Variants in PRORP observed in about 807,000 individuals in gnomAD.
The protein encoded by PRORP is protein only RNase P catalytic subunit, also known as mitochondrial ribonuclease P catalytic subunit.
PRORP carries 51 observed loss-of-function variants against 59.4 expected under a neutral mutation model. That is an observed-to-expected ratio of 0.86 (90% CI 0.69 to 1.08). PRORP has a LOEUF of 1.08. Among genes scored for constraint, PRORP ranks in the 50% least tolerant of loss-of-function variants. The pLI is 0.00. For synonymous variants in PRORP, 231 were observed against 245.6 expected (o/e 0.94, Z 0.55); for missense variants, 646 against 690.3 (o/e 0.94, Z 0.72).
At chr14:35,151,895 T>C (rs778488112) in intron 4 of PRORP, among the ~76,000 whole-genome samples, 8 of 151,806 alleles carry the variant, frequency 5.3e-5, no homozygotes, top group Non-Finnish European at 1.2e-4. Context: ...GTATCAGTTA[T>C]CTCTAATTTT....
At chr14:35,127,355 C>T (rs948478050) in intron 3 of PRORP, 124 bp from the exon 4 acceptor site, 3 of 679,800 alleles carry the variant, frequency 4.4e-6, no homozygotes, top group East Asian at 6.5e-5. Flanking sequence ...ATGTGATTAT[C>T]ACAAAGGTTT....
chr14:35,260,798 G>T (rs1216119261), intron 5 of PRORP, among the ~76,000 whole-genome samples: 1 of 152,222 alleles, frequency 6.6e-6, no homozygotes, highest in South Asian at 2.1e-4. Context: ...TAACAGTCAA[G>T]TGCTGTCTTT....
chr14:35,256,622 G>A (rs549165301), intron 5 of PRORP, among the ~76,000 whole-genome samples: 1 of 151,586 alleles, frequency 6.6e-6, no homozygotes, highest in South Asian at 2.1e-4. Context: ...GAGCCACTGC[G>A]CCTGGCCCTG....
intron 5 of PRORP, among the ~76,000 whole-genome samples, chr14:35,184,797 A>T (rs949498235): frequency 1.3e-5 from 2 of 152,186 alleles, no homozygotes; most frequent in Non-Finnish European, 2.9e-5. Flanking sequence ...TTTCTGCATT[A>T]GTTTGCTAAC....
At chr14:35,248,835 C>G (rs2050545029) in intron 5 of PRORP, among the ~76,000 whole-genome samples, 1 of 152,184 alleles carries the variant, frequency 6.6e-6, no homozygotes, top group South Asian at 2.1e-4. Context: ...GGAACGAAGA[C>G]AAAGAAGGGA....
chr14:35,157,578 G>C (rs7153660), intron 4 of PRORP, among the ~76,000 whole-genome samples: 61,140 of 151,782 alleles, frequency 0.4, 12,494 homozygotes, highest in African/African-American at 0.47. Context: ...TTAGTAGAGA[G>C]AGGGTTTCAG....
chr14:35,260,004 T>TTC (rs1269931665), intron 5 of PRORP, among the ~76,000 whole-genome samples: 1 of 145,780 alleles, frequency 6.9e-6, no homozygotes, highest in Non-Finnish European at 1.5e-5. Context: ...TTTTTTTTTT[T>TTC]TTTTTTTTTT....
chr14:35,270,396 T>C lies in PRORP; in HGVS notation c.1425-5T>C, dbSNP rs2051155315. On this transcript the variant is annotated splice_region_variant and splice_polypyrimidine_tract_variant and intron_variant, in intron 6 of 7. Coordinates refer to ENST00000534898, the MANE Select transcript of PRORP (RefSeq NM_014672.4). ...TGATTGTGTCCTTTCTTATGCCTGG[T>C]TCAGCTCGGAGGATGATCCATTCCT... 1 of 1,612,172 alleles carries C rather than the reference T, an allele frequency of 6.2e-7. No individual in the cohort carries two copies. Among genetic ancestry groups the C allele is most frequent in the African/African-American group, 1.3e-5 (1 of 74,914 alleles).
At chr14:35,226,843 T>C (rs1039091646) in intron 5 of PRORP, among the ~76,000 whole-genome samples, 1 of 152,010 alleles carries the variant, frequency 6.6e-6, no homozygotes, top group African/African-American at 2.4e-5. Flanking sequence ...CAGGTGATCC[T>C]CCCACTTCAG....
intron 4 of PRORP, among the ~76,000 whole-genome samples, chr14:35,168,665 C>A (rs1341520029): frequency 6.6e-6 from 1 of 151,992 alleles, no homozygotes; most frequent in African/African-American, 2.4e-5. Flanking sequence ...TTGGGTTTAT[C>A]TGATATTTCC....
At chr14:35,148,442 C>T (rs1566456491) in intron 4 of PRORP, among the ~76,000 whole-genome samples, 1 of 152,240 alleles carries the variant, frequency 6.6e-6, no homozygotes, top group South Asian at 2.1e-4. Flanking sequence ...AGTAGGTCTC[C>T]ACAGTGGGCT....
chr14:35,167,613 G>A (rs892938981), intron 4 of PRORP, among the ~76,000 whole-genome samples: 2 of 152,176 alleles, frequency 1.3e-5, no homozygotes, highest in Non-Finnish European at 2.9e-5. Context: ...TCATGTTAAT[G>A]TTCTTATTTA....
chr14:35,163,322 A>C (rs1344886863), intron 4 of PRORP, among the ~76,000 whole-genome samples: 1 of 151,952 alleles, frequency 6.6e-6, no homozygotes, highest in African/African-American at 2.4e-5. Flanking sequence ...TATTTGTTGC[A>C]CTCTATTTTA....
chr14:35,198,772 G>A lies in PRORP; in HGVS notation c.1275+17995G>A, dbSNP rs939707303. Among the ~76,000 whole-genome samples the A allele has an allele frequency of 7.2e-5, 11 of 152,306 alleles. No individual in the cohort carries two copies. The East Asian group carries it at 1.7e-3, about 24-fold the overall frequency. On this transcript the variant is annotated intron_variant, in intron 5 of 7. Coordinates refer to ENST00000534898, the MANE Select transcript of PRORP (RefSeq NM_014672.4). ...GTGAGGGCTGGGCGCAGTGGCTCAC[G>A]CCTGTAATCCCAGCACTTTGGGAGG...
At chr14:35,121,854 G>A (rs772175269), upstream of PRORP, 38 of 1,601,846 alleles carry the variant, frequency 2.4e-5, no homozygotes, top group Admixed American at 3.4e-5. Context: ...CTACCTCTAG[G>A]AGTTTAGGGC....
At chr14:35,179,543 T>A (rs2048544307) in intron 4 of PRORP, among the ~76,000 whole-genome samples, 1 of 152,360 alleles carries the variant, frequency 6.6e-6, no homozygotes, top group East Asian at 1.9e-4. Flanking sequence ...TTACTGAAGC[T>A]TGTGCATTCG....
At chr14:35,148,692 A>G (rs192616046) in intron 4 of PRORP, among the ~76,000 whole-genome samples, 1 of 152,092 alleles carries the variant, frequency 6.6e-6, no homozygotes, top group African/African-American at 2.4e-5. Flanking sequence ...TGAAAATTCT[A>G]GATGGCATCT....
At chr14:35,169,965 T>C (rs1284843594) in intron 4 of PRORP, among the ~76,000 whole-genome samples, 2 of 152,232 alleles carry the variant, frequency 1.3e-5, no homozygotes, top group Non-Finnish European at 2.9e-5. Flanking sequence ...CCTCCTTTGT[T>C]CTGTCAGCTT....
chr14:35,260,381 T>C (rs2050873510), intron 5 of PRORP, among the ~76,000 whole-genome samples: 2 of 152,230 alleles, frequency 1.3e-5, no homozygotes, highest in South Asian at 4.1e-4. Context: ...TTGATAATAC[T>C]ATCTAATGTG....
Sources: gnomAD v4.1 joint callset for allele counts (sites outside exome capture counted in the v4.1 genomes callset) on GRCh38, gnomAD v4.1.1 for gene constraint, MANE v1.5 for transcripts, NCBI Gene and HGNC (gene_info 2026-07-23, HGNC 2026-07-21) for gene names.